Variants in C9orf72 observed in about 807,000 individuals in gnomAD.
The protein encoded by C9orf72 is guanine nucleotide exchange factor C9orf72.
Under a neutral mutation model 51.6 loss-of-function variants are expected in C9orf72, and 44 were observed. That is an observed-to-expected ratio of 0.85 (90% CI 0.67 to 1.10). The LOEUF (loss-of-function observed/expected upper bound fraction) is 1.10. Ranked by LOEUF, C9orf72 falls within the 50% of genes least tolerant of loss-of-function variation. The pLI, the probability that C9orf72 is intolerant of heterozygous loss-of-function variation, is 0.00. For synonymous variants in C9orf72, 213 were observed against 194.2 expected (o/e 1.10, Z -0.81); for missense variants, 607 against 570.6 (o/e 1.06, Z -0.65).
Position 27,548,641 on chromosome 9 carries a change from G to A in C9orf72, c.1175C>T (p.Ser392Phe), listed in dbSNP as rs1820833942. Residue 392 changes from serine (S) to phenylalanine (F), a missense_variant, in exon 10 of 11, where the codon TCT becomes TTT. Physicochemically the swap from Ser to Phe is radical, Grantham distance 155. Transcript: ENST00000380003. Reference sequence around the variant, plus strand: ...CTGTGCAAGGAAAGTACTTCTGAGAGATAAGCCAGGTTTCAGCTGAAAGAC... The same window carrying A: ...CTGTGCAAGGAAAGTACTTCTGAGAAATAAGCCAGGTTTCAGCTGAAAGAC... ...DQVFQLKPGL[S>F]LRSTFLAQFL... is the part of the protein sequence containing the mutation. 2 of 1,611,292 alleles carry A rather than the reference G, an allele frequency of 1.2e-6. No homozygotes were observed. The highest frequency in any genetic ancestry group is 1.7e-6 in the Non-Finnish European group (2 of 1,177,556).
intron 1 of C9orf72, chr9:27,571,019 AATT>A (rs1819575260): frequency 2.0e-5 from 3 of 152,276 alleles, no homozygotes; most frequent in Admixed American, 6.5e-5. Flanking sequence ...AGAGCTGTAC[AATT>A]ATTTTACTAA....
rs576366741 is a variant in C9orf72 at position 27,547,573 on chromosome 9, C to T, written c.*663G>A. On this transcript the variant is annotated 3_prime_UTR_variant, in exon 11 of 11. Coordinates refer to ENST00000380003, the MANE Select transcript of C9orf72 (RefSeq NM_018325.5). ...CATAGAATATCAACAATAGCAAGAA[C>T]AATAAAATAAACAAAACACCCTAAC... The T allele has an allele frequency of 3.3e-5, 5 of 152,694 alleles. No homozygotes were observed. The highest frequency in any genetic ancestry group is 1.9e-4 in the East Asian group (1 of 5,186). The allele number at this position is 152,694 out of a possible 1,614,324, so 9.5% of individuals were successfully genotyped here.
At chr9:27,568,897 A>G (rs1819528572) in intron 1 of C9orf72, among the ~76,000 whole-genome samples, 2 of 151,922 alleles carry the variant, frequency 1.3e-5, no homozygotes, top group African/African-American at 2.4e-5. Flanking sequence ...GAGGTATTCA[A>G]CAGAAAGCAC....
intron 1 of C9orf72, among the ~76,000 whole-genome samples, chr9:27,570,573 A>G (rs1819563633): frequency 6.6e-6 from 1 of 151,692 alleles, no homozygotes; most frequent in African/African-American, 2.4e-5. Flanking sequence ...CAGAATAAGA[A>G]AAAAAAAATG....
intron 8 of C9orf72, among the ~76,000 whole-genome samples, chr9:27,555,806 G>A (rs566546522): frequency 4.0e-5 from 6 of 151,898 alleles, no homozygotes; most frequent in South Asian, 2.1e-4. Flanking sequence ...CAAGTGATCC[G>A]CCTGCCTTGC....
intron 8 of C9orf72, among the ~76,000 whole-genome samples, chr9:27,556,006 T>G (rs762273269): frequency 5.3e-5 from 8 of 152,046 alleles, no homozygotes; most frequent in Non-Finnish European, 1.0e-4. Context: ...GCTCAACAAT[T>G]AATTATCATT....
chr9:27,561,615 C>A lies in C9orf72; in HGVS notation c.635G>T (p.Gly212Val). The change falls in exon 5 of 11, where the codon GGT (glycine) becomes GTT (valine). Residue 212 changes from glycine (G) to valine (V), a missense_variant. Gly to Val is a moderately radical substitution (Grantham distance 109). Coordinates refer to ENST00000380003, the MANE Select transcript of C9orf72 (RefSeq NM_018325.5). ...AAGAAAGCCTTCATGACAGCTGTCA[C>A]CAATATCATCATCATTGAGTACTGT... is the stretch of plus-strand genomic sequence containing the variant. Reference protein sequence around the residue: ...ADTVLNDDDIGDSCHEGFLLN... With the variant: ...ADTVLNDDDIVDSCHEGFLLN... 6.2e-7 allele frequency: 1 copy of A among 1,611,256 alleles called. No homozygotes were observed. The highest frequency in any genetic ancestry group is 1.7e-5 in the Admixed American group (1 of 59,680).
At chr9:27,570,817 T>C (rs537298077) in intron 1 of C9orf72, among the ~76,000 whole-genome samples, 1 of 152,044 alleles carries the variant, frequency 6.6e-6, no homozygotes, top group Admixed American at 6.5e-5. Flanking sequence ...TGCAATGAGC[T>C]GAGATGGCGC....
chr9:27,556,390 G>A (rs1819197199), intron 8 of C9orf72, 171 bp downstream of exon 8: 1 of 592,690 alleles, frequency 1.7e-6, no homozygotes, highest in African/African-American at 1.9e-5. Context: ...ACAATTGTAT[G>A]GAAAAAGAAG....
chr9:27,554,063 GGCGGGAC>G (rs1349154536), intron 8 of C9orf72, among the ~76,000 whole-genome samples: 4 of 152,186 alleles, frequency 2.6e-5, no homozygotes, highest in African/African-American at 9.6e-5. Flanking sequence ...ATACACTGCT[GGCGGGAC>G]TGTAAATTAG....
intron 4 of C9orf72, 89 bp from the exon 5 acceptor site, chr9:27,561,738 G>T (rs1459763101): frequency 2.6e-6 from 2 of 783,440 alleles, no homozygotes; most frequent in Non-Finnish European, 4.2e-6. Flanking sequence ...CGGAAGTCTG[G>T]ATTCAATATA....
At chr9:27,550,845 A>G (rs1328033887) in intron 8 of C9orf72, 138 bp from the exon 9 acceptor site, 1 of 510,384 alleles carries the variant, frequency 2.0e-6, no homozygotes, top group African/African-American at 2.0e-5. Flanking sequence ...ACACATTTGT[A>G]AGAATATAGA....
intron 1 of C9orf72, among the ~76,000 whole-genome samples, 195 bp from the exon 2 acceptor site, chr9:27,567,359 C>T (rs1164265655): frequency 6.6e-6 from 1 of 152,126 alleles, no homozygotes; most frequent in Non-Finnish European, 1.5e-5. Flanking sequence ...GATCATTTTA[C>T]AAGACATGGT....
rs1443861862 is a variant in C9orf72 at position 27,548,439 on chromosome 9, A to G, written c.1260-17T>C. The G allele has an allele frequency of 2.4e-5, 17 of 698,436 alleles. No individual in the cohort carries two copies. The highest frequency in any genetic ancestry group is 2.5e-4 in the East Asian group (2 of 7,922). 43.3% of individuals were successfully genotyped at this position (698,436 alleles called of 1,614,324 possible). A position where few individuals can be genotyped will look rare whatever the true frequency, so the allele number is the denominator to read the frequency against. On this transcript the variant is annotated splice_polypyrimidine_tract_variant and intron_variant, in intron 10 of 10. Coordinates refer to ENST00000380003, the MANE Select transcript of C9orf72 (RefSeq NM_018325.5). ...CCCTTCTGCCTAAAAATAATGGAAA[A>G]AAAAAAAAAAAAAAAAAAAAAAGAA...
Position 27,548,439 on chromosome 9 carries a change from A to C in C9orf72, c.1260-17T>G. On this transcript the variant is annotated splice_polypyrimidine_tract_variant and intron_variant, in intron 10 of 10. Transcript: ENST00000380003. The stretch of plus-strand genomic sequence containing the variant: ...CCCTTCTGCCTAAAAATAATGGAAA[A>C]AAAAAAAAAAAAAAAAAAAAAAGAA... 1.1e-5 allele frequency: 8 copies of C among 698,428 alleles called. No homozygotes were observed. Among genetic ancestry groups the C allele is most frequent in the South Asian group, 2.7e-5 (1 of 37,056 alleles). The allele number at this position is 698,428 out of a possible 1,614,324, so 43.3% of individuals were successfully genotyped here. A position where few individuals can be genotyped will look rare whatever the true frequency, so the allele number is the denominator to read the frequency against.
At chr9:27,549,130 C>G (rs1820851450) in intron 9 of C9orf72, among the ~76,000 whole-genome samples, 1 of 152,190 alleles carries the variant, frequency 6.6e-6, no homozygotes, top group Non-Finnish European at 1.5e-5. Flanking sequence ...GCATAAGCCA[C>G]CAGGCCCAGA....
intron 9 of C9orf72, among the ~76,000 whole-genome samples, chr9:27,550,380 T>C (rs1013356489): frequency 7.2e-5 from 11 of 152,158 alleles, no homozygotes; most frequent in African/African-American, 1.4e-4. Context: ...CTTTAAAAGA[T>C]AGCAATAATA....
intron 8 of C9orf72, among the ~76,000 whole-genome samples, chr9:27,553,369 T>C (rs571366215): frequency 9.9e-5 from 15 of 152,194 alleles, no homozygotes; most frequent in Middle Eastern, 3.4e-3. Flanking sequence ...AACAGACACA[T>C]AGACCAATGG....
intron 3 of C9orf72, 48 bp downstream of exon 3, chr9:27,565,483 G>C (rs1280085629): frequency 8.0e-7 from 1 of 1,253,558 alleles, no homozygotes; most frequent in South Asian, 1.2e-5. Flanking sequence ...ACCTTATACA[G>C]ATACATGCTG....
Sources: allele counts gnomAD v4.1 joint callset (sites outside exome capture counted in the v4.1 genomes callset), GRCh38; gene constraint gnomAD v4.1.1; transcripts MANE v1.5; gene names NCBI Gene and HGNC (gene_info 2026-07-23, HGNC 2026-07-21).